The following TAOK3 variants were observed in gnomAD, a reference collection of about 807,000 sequenced individuals.
TAOK3 encodes the protein serine/threonine-protein kinase TAO3.
In TAOK3, 40 loss-of-function variants were observed where a neutral mutation model predicts 120.4. That is an observed-to-expected ratio of 0.33 (90% CI 0.26 to 0.43). TAOK3 has a LOEUF of 0.43. TAOK3 is among the 20% of genes least tolerant of loss of function. The probability of loss-of-function intolerance (pLI) is 1.00; values close to 1 mark genes in which losing one functional copy is unlikely to be tolerated. For synonymous variants in TAOK3, 355 were observed against 387.5 expected, an observed-to-expected ratio of 0.92 and a Z score of 0.99; for missense variants, 821 against 1,112.1, an observed-to-expected ratio of 0.74 and a Z score of 3.72.
At chr12:118,317,423 A>T (rs1225984133) in intron 1 of TAOK3, among the ~76,000 whole-genome samples, 3 of 150,394 alleles carry the variant, frequency 2.0e-5, no homozygotes, top group Admixed American at 6.7e-5. Context: ...CTCAGCCTCC[A>T]GAGTAGCTGG....
chr12:118,189,108 C>T (rs1414407928), intron 14 of TAOK3, among the ~76,000 whole-genome samples: 3 of 152,164 alleles, frequency 2.0e-5, no homozygotes, highest in Non-Finnish European at 2.9e-5. Context: ...CACAATCAGC[C>T]CTATCCTCTC....
At chr12:118,355,205 A>G (rs2045341356) in intron 1 of TAOK3, among the ~76,000 whole-genome samples, 1 of 152,250 alleles carries the variant, frequency 6.6e-6, no homozygotes, top group African/African-American at 2.4e-5. Context: ...GTATTCAAAT[A>G]TACATGTAAA....
rs901269545 is a variant in TAOK3, at chr12:118,322,077, G to A, written c.-194+50571C>T. ...TGCCTGTAATCCCAGCACTTTGGGAGGCAGAGGCAGGCGGATCACTTGAGG... is the reference window on the plus strand; with the variant it reads ...TGCCTGTAATCCCAGCACTTTGGGAAGCAGAGGCAGGCGGATCACTTGAGG... On this transcript the variant is annotated intron_variant, in intron 1 of 20. Coordinates refer to ENST00000392533, the MANE Select transcript of TAOK3 (RefSeq NM_016281.4). Among the ~76,000 whole-genome samples, 6 of 152,122 alleles carry A rather than the reference G, an allele frequency of 3.9e-5. No individual in the cohort carries two copies. The South Asian group carries it at 1.2e-3, about 31-fold the overall frequency.
intron 5 of TAOK3, among the ~76,000 whole-genome samples, chr12:118,242,432 A>G (rs1339103192): frequency 1.3e-5 from 2 of 152,254 alleles, no homozygotes; most frequent in Non-Finnish European, 2.9e-5. Flanking sequence ...GAGTTGGTAC[A>G]TGGTAAACAA....
At chr12:118,169,001 CT>C (rs374724176) in intron 17 of TAOK3, among the ~76,000 whole-genome samples, 3 of 126,288 alleles carry the variant, frequency 2.4e-5, no homozygotes, top group African/African-American at 8.3e-5. Flanking sequence ...TCCTTCCTTC[CT>C]TTCTTTCTTT....
rs1045256474 is a variant in TAOK3, at chr12:118,181,509, G to A, written c.1428C>T (p.Ile476=). 1.9e-6 allele frequency: 3 copies of A among 1,614,182 alleles called. No individual in the cohort carries two copies. Among genetic ancestry groups the A allele is most frequent in the African/African-American group, 1.3e-5 (1 of 75,038 alleles). Residue 476 remains isoleucine, a synonymous_variant, in exon 15 of 21, where the codon ATC becomes ATT. Transcript: ENST00000392533. ...RMRRQHQKQL[I]ALENKLKAEM... is the part of the protein sequence containing the mutation. ...CAGCCTTCAGCTTGTTCTCCAGGGC[G>A]ATCAGCTGCTTCTGGTGCTGGCGCC...
At chr12:118,225,808 T>A (rs1158794368) in intron 9 of TAOK3, among the ~76,000 whole-genome samples, 1 of 152,278 alleles carries the variant, frequency 6.6e-6, no homozygotes, top group Non-Finnish European at 1.5e-5. Flanking sequence ...GATGTTCATA[T>A]ACATTGATTA....
chr12:118,188,651 C>T (rs1056677869), intron 14 of TAOK3, among the ~76,000 whole-genome samples: 12 of 151,992 alleles, frequency 7.9e-5, no homozygotes, highest in African/African-American at 2.2e-4. Context: ...CAAAGATAAT[C>T]GAAGCCTTTA....
chr12:118,314,111 C>T (rs1272905110), intron 1 of TAOK3, among the ~76,000 whole-genome samples: 1 of 152,182 alleles, frequency 6.6e-6, no homozygotes, highest in African/African-American at 2.4e-5. Flanking sequence ...TCTTCTAGAA[C>T]AGTAACTGCA....
At chr12:118,339,001 C>T (rs1310148828) in intron 1 of TAOK3, among the ~76,000 whole-genome samples, 2 of 151,440 alleles carry the variant, frequency 1.3e-5, no homozygotes, top group Non-Finnish European at 2.9e-5. Flanking sequence ...CTGGGACCAG[C>T]AAAGAGTGTG....
intron 2 of TAOK3, among the ~76,000 whole-genome samples, chr12:118,262,261 A>G (rs949882888): frequency 6.6e-6 from 1 of 152,018 alleles, no homozygotes; most frequent in South Asian, 2.1e-4. Flanking sequence ...AGGCAGGTGG[A>G]TCACAAGGTC....
intron 13 of TAOK3, among the ~76,000 whole-genome samples, chr12:118,192,055 C>A (rs936232952): frequency 1.3e-5 from 2 of 152,132 alleles, no homozygotes; most frequent in Non-Finnish European, 2.9e-5. Context: ...CTCCACAGGG[C>A]AGACCAAAAC....
intron 8 of TAOK3, among the ~76,000 whole-genome samples, 153 bp from the exon 9 acceptor site, chr12:118,233,918 A>G (rs1407028685): frequency 1.3e-5 from 2 of 152,180 alleles, no homozygotes; most frequent in African/African-American, 4.8e-5. Context: ...GAAAAACACT[A>G]TTCAAAATAT....
At chr12:118,158,012 C>A (rs996565259) in intron 19 of TAOK3, among the ~76,000 whole-genome samples, 2 of 152,194 alleles carry the variant, frequency 1.3e-5, no homozygotes, top group African/African-American at 4.8e-5. Flanking sequence ...GTCTCCCAGT[C>A]CCACCACTCC....
In TAOK3 at chr12:118,161,690, G is replaced by A; in HGVS notation, c.2139+98C>T. 2.7e-6 allele frequency: 4 copies of A among 1,503,606 alleles called. No homozygotes were observed. Among genetic ancestry groups the A allele is most frequent in the Non-Finnish European group, 3.6e-6 (4 of 1,101,688 alleles). The allele number at this position is 1,503,606 out of a possible 1,614,324, so 93.1% of individuals were successfully genotyped here. A position where few individuals can be genotyped will look rare whatever the true frequency, so the allele number is the denominator to read the frequency against. ...TCTGATACAATAGGTGTGGGGTGCA[G>A]AAATTTGTGATTCTGAAAAGTTGCT... On this transcript the variant is annotated intron_variant, in intron 18 of 20. Transcript: ENST00000392533. This position sits in a 1 kb window ranked among gnomAD's most constrained non-coding sequence, Gnocchi z 4.5.
chr12:118,209,870 C>T (rs1220055588), intron 11 of TAOK3, among the ~76,000 whole-genome samples: 2 of 151,834 alleles, frequency 1.3e-5, no homozygotes, highest in African/African-American at 4.8e-5. Context: ...CATGCCACTG[C>T]ACCTGGCTAA....
rs1405193010 is a variant in TAOK3 at position 118,150,143 on chromosome 12, A to G, written c.*854T>C. Reference sequence around the variant, plus strand: ...GGAAGTAAAAAAATTTGATCAGAGAAACAGTTAAAATACAATATGAAAATA... The same window carrying G: ...GGAAGTAAAAAAATTTGATCAGAGAGACAGTTAAAATACAATATGAAAATA... On this transcript the variant is annotated 3_prime_UTR_variant, in exon 21 of 21. Coordinates refer to ENST00000392533, the MANE Select transcript of TAOK3 (RefSeq NM_016281.4). The G allele has an allele frequency of 1.3e-5, 2 of 152,570 alleles. No homozygotes were observed. Among genetic ancestry groups the G allele is most frequent in the Non-Finnish European group, 2.9e-5 (2 of 68,034 alleles). 9.5% of individuals were successfully genotyped at this position (152,570 alleles called of 1,614,324 possible).
At chr12:118,354,376 T>C (rs910423738) in intron 1 of TAOK3, among the ~76,000 whole-genome samples, 14 of 152,174 alleles carry the variant, frequency 9.2e-5, no homozygotes, top group African/African-American at 3.4e-4. Flanking sequence ...ACAGTGTGGA[T>C]AGGCTGGATA....
intron 9 of TAOK3, among the ~76,000 whole-genome samples, chr12:118,233,169 G>A (rs1397971690): frequency 4.1e-5 from 6 of 145,848 alleles, no homozygotes; most frequent in Admixed American, 1.4e-4. Context: ...ACCAAACACC[G>A]CATGTTCTCA....
Sources: allele counts gnomAD v4.1 joint callset (sites outside exome capture counted in the v4.1 genomes callset), GRCh38; gene constraint gnomAD v4.1.1; non-coding constraint Gnocchi (gnomAD v3.1); transcripts MANE v1.5; gene names NCBI Gene and HGNC (gene_info 2026-07-23, HGNC 2026-07-21).